The following FMN1 variants were observed in gnomAD, a reference collection of about 807,000 sequenced individuals.
FMN1 encodes formin-1.
Under a neutral mutation model 132.4 loss-of-function variants are expected in FMN1, and 110 were observed. That is an observed-to-expected ratio of 0.83 (90% CI 0.71 to 0.97). The LOEUF (loss-of-function observed/expected upper bound fraction) is 0.97, where lower values mean the gene tolerates loss of function less well. Ranked by LOEUF, FMN1 falls within the 50% of genes least tolerant of loss-of-function variation. FMN1 has a pLI of 0.00. For missense variants in FMN1, 1,792 were observed against 1,705.3 expected, an observed-to-expected ratio of 1.05 and a Z score of -0.90; for synonymous variants, 722 against 651.7, an observed-to-expected ratio of 1.11 and a Z score of -1.64.
intron 4 of FMN1, among the ~76,000 whole-genome samples, chr15:33,114,299 G>A (rs2039826910): frequency 6.6e-6 from 1 of 152,198 alleles, no homozygotes; most frequent in South Asian, 2.1e-4. Context: ...GGACTCTAAA[G>A]TATAGCATCC....
intron 19 of FMN1, among the ~76,000 whole-genome samples, chr15:32,777,510 C>CATTTATATATTACGTATAATATA (rs2056466055): frequency 1.1e-5 from 1 of 90,572 alleles, no homozygotes; most frequent in Non-Finnish European, 2.7e-5. Flanking sequence ...TAACATATAA[C>CATTTATATATTACGTATAATATA]ACATTTATAT....
chr15:33,050,849 C>T (rs1452596396), intron 6 of FMN1, among the ~76,000 whole-genome samples: 1 of 152,236 alleles, frequency 6.6e-6, no homozygotes, highest in Non-Finnish European at 1.5e-5. Context: ...TAAATTACTA[C>T]TGTATGGAAT....
intron 4 of FMN1, among the ~76,000 whole-genome samples, chr15:33,119,050 G>A (rs145289622): frequency 4.9e-4 from 75 of 152,274 alleles, no homozygotes; most frequent in African/African-American, 1.7e-3. Flanking sequence ...GAGGACATCT[G>A]AATCAACTTA....
chr15:33,123,341 T>A (rs542735572), intron 4 of FMN1, among the ~76,000 whole-genome samples: 22 of 152,210 alleles, frequency 1.4e-4, no homozygotes, highest in African/African-American at 5.3e-4. Flanking sequence ...ATCTACTGAA[T>A]TAGGTAAATA....
intron 17 of FMN1, among the ~76,000 whole-genome samples, chr15:32,844,806 A>G (rs2058821158): frequency 6.6e-6 from 1 of 152,230 alleles, no homozygotes; most frequent in African/African-American, 2.4e-5. Flanking sequence ...TCTGAGACCC[A>G]CTGTCTGAAG....
intron 4 of FMN1, among the ~76,000 whole-genome samples, chr15:33,120,955 A>C (rs1962495450): frequency 6.6e-6 from 1 of 152,164 alleles, no homozygotes; most frequent in Non-Finnish European, 1.5e-5. Context: ...TTGGATGCAA[A>C]GTAAATTCAC....
At chr15:33,073,000 G>A (rs956987101) in intron 5 of FMN1, among the ~76,000 whole-genome samples, 26 of 151,520 alleles carry the variant, frequency 1.7e-4, no homozygotes, top group African/African-American at 5.8e-4. Flanking sequence ...TGCAATAAAA[G>A]GCACATTATC....
At chr15:33,162,064 T>C (rs28609827) in intron 3 of FMN1, among the ~76,000 whole-genome samples, 54,199 of 151,888 alleles carry the variant, frequency 0.36, 11,566 homozygotes, top group Admixed American at 0.46. Flanking sequence ...CACGCTGCAG[T>C]GCAGTGGCGT....
chr15:33,003,025 T>A (rs2140919712), intron 7 of FMN1, among the ~76,000 whole-genome samples: 1 of 152,364 alleles, frequency 6.6e-6, no homozygotes, highest in South Asian at 2.1e-4. Context: ...CACTTCATGC[T>A]GAAAGCTCTC....
intron 17 of FMN1, among the ~76,000 whole-genome samples, chr15:32,848,988 T>TC (rs1156831867): frequency 7.3e-6 from 1 of 136,872 alleles, no homozygotes; most frequent in African/African-American, 2.8e-5. Context: ...TTTTTTTTTT[T>TC]TTTTTTTTTT....
chr15:33,122,793 T>C (rs1285383685), intron 4 of FMN1, among the ~76,000 whole-genome samples: 10 of 152,186 alleles, frequency 6.6e-5, no homozygotes, highest in Non-Finnish European at 1.5e-4. Flanking sequence ...CATTATTCTG[T>C]TACATAATCT....
At chr15:33,034,362 C>A (rs939837007) in intron 6 of FMN1, among the ~76,000 whole-genome samples, 2 of 152,052 alleles carry the variant, frequency 1.3e-5, no homozygotes, top group Non-Finnish European at 2.9e-5. Context: ...ACTGCTTGAG[C>A]CTAGGAGTTT....
chr15:33,077,806 A>C (rs1003727800), intron 5 of FMN1, among the ~76,000 whole-genome samples: 3 of 151,734 alleles, frequency 2.0e-5, no homozygotes, highest in East Asian at 1.9e-4. Context: ...AAAAAAAAAA[A>C]AACATCAAAA....
At chr15:32,885,486 G>C (rs143192120) in intron 16 of FMN1, among the ~76,000 whole-genome samples, 67 of 152,280 alleles carry the variant, frequency 4.4e-4, no homozygotes, top group Admixed American at 2.4e-3. Context: ...CATCACCTCT[G>C]AAACACTGGC....
chr15:32,879,786 A>C (rs1417858047), intron 16 of FMN1, among the ~76,000 whole-genome samples: 1 of 152,082 alleles, frequency 6.6e-6, no homozygotes, highest in Non-Finnish European at 1.5e-5. Context: ...GTTCAGTACT[A>C]TTTTCAACAC....
rs568968811 is a variant in FMN1 at position 32,859,880 on chromosome 15, T to A, written c.3836-2773A>T. On this transcript the variant is annotated intron_variant, in intron 16 of 20. Coordinates refer to ENST00000616417, the MANE Select transcript of FMN1 (RefSeq NM_001277313.2). ...GTGAGACCTTGTCTCTCAAAAAAAA[T>A]TTTTTAAGTTATCCAGGCATGATGG... Among the ~76,000 whole-genome samples, 5 of 152,034 alleles carry A rather than the reference T, an allele frequency of 3.3e-5. No individual in the cohort carries two copies. The East Asian group carries it at 7.8e-4, about 24-fold the overall frequency.
chr15:33,068,678 G>A (rs2037862364), intron 5 of FMN1, among the ~76,000 whole-genome samples: 1 of 152,026 alleles, frequency 6.6e-6, no homozygotes, highest in Non-Finnish European at 1.5e-5. Flanking sequence ...CATCTGGAAT[G>A]CAGATTTTAG....
At position 32,967,316 on chromosome 15, in the gene FMN1, G is replaced by C. The variant is rs1221962632; in HGVS notation, c.2987+1398C>G. Among the ~76,000 whole-genome samples the C allele has an allele frequency of 2.0e-5, 3 of 152,338 alleles. No individual in the cohort carries two copies. In the East Asian group the frequency reaches 5.8e-4, roughly 29 times the overall value. On this transcript the variant is annotated intron_variant, in intron 8 of 20. Coordinates refer to ENST00000616417, the MANE Select transcript of FMN1 (RefSeq NM_001277313.2). ...TACCTGTTGCTCATGAAGTCTCTCA[G>C]GGAAGGAAGTGAAGGCAGGCTAGTG...
At chr15:32,959,154 T>C (rs2030205292) in intron 9 of FMN1, among the ~76,000 whole-genome samples, 1 of 151,992 alleles carries the variant, frequency 6.6e-6, no homozygotes, top group African/African-American at 2.4e-5. Flanking sequence ...TACCCAGCAC[T>C]TTCTCTTGTT....
Sources: gnomAD v4.1 joint callset for allele counts (sites outside exome capture counted in the v4.1 genomes callset) on GRCh38, gnomAD v4.1.1 for gene constraint, MANE v1.5 for transcripts, NCBI Gene and HGNC (gene_info 2026-07-23, HGNC 2026-07-21) for gene names.